The following TENM3 variants were observed in gnomAD, a reference collection of about 807,000 sequenced individuals.
TENM3 encodes the protein teneurin-3.
A neutral mutation model predicts 255.1 loss-of-function variants in TENM3; 63 were observed. That is an observed-to-expected ratio of 0.25 (90% CI 0.20 to 0.30). TENM3 has a LOEUF of 0.30. Ranked by LOEUF, TENM3 falls within the 10% of genes least tolerant of loss-of-function variation. The probability of loss-of-function intolerance (pLI) is 1.00; values close to 1 mark genes in which losing one functional copy is unlikely to be tolerated. For synonymous variants in TENM3, 1,306 were observed against 1,322.3 expected, an observed-to-expected ratio of 0.99 and a Z score of 0.27; for missense variants, 2,929 against 3,461.1, an observed-to-expected ratio of 0.85 and a Z score of 3.86.
the TENM3 span, among the ~76,000 whole-genome samples, chr4:181,496,701 T>C: frequency 6.6e-6 from 1 of 152,216 alleles, no homozygotes; most frequent in African/African-American, 2.4e-5. Context: ...CCAAATGAAT[T>C]CATTAAGACC....
the TENM3 span, among the ~76,000 whole-genome samples, chr4:181,583,254 TATA>T: frequency 2.0e-5 from 3 of 152,128 alleles, no homozygotes; most frequent in African/African-American, 7.2e-5. Flanking sequence ...ATCAGAGTGG[TATA>T]ATATCAGAAT....
intron 1 of TENM3, among the ~76,000 whole-genome samples, chr4:182,196,929 A>G (rs1753865804): frequency 6.6e-6 from 1 of 151,834 alleles, no homozygotes; most frequent in Non-Finnish European, 1.5e-5. Flanking sequence ...GTGATGCATC[A>G]TTTCCGGTCA....
the TENM3 span, among the ~76,000 whole-genome samples, chr4:182,118,304 T>C: frequency 6.6e-6 from 1 of 152,314 alleles, no homozygotes; most frequent in Middle Eastern, 3.4e-3. Flanking sequence ...AATTAGCTAG[T>C]ACTTCAAGTA....
intron 3 of TENM3, among the ~76,000 whole-genome samples, chr4:182,579,702 C>G (rs542914645): frequency 2.5e-5 from 3 of 118,546 alleles, no homozygotes; most frequent in Admixed American, 1.9e-4. Context: ...AATTTGAAAA[C>G]TTCTCTTTTT....
chr4:181,867,162 T>C, the TENM3 span, among the ~76,000 whole-genome samples: 1 of 152,170 alleles, frequency 6.6e-6, no homozygotes, highest in Non-Finnish European at 1.5e-5. Flanking sequence ...TCTAGCACAG[T>C]GCCCGAATTG....
the TENM3 span, among the ~76,000 whole-genome samples, chr4:182,018,454 A>C: frequency 6.6e-6 from 1 of 152,210 alleles, no homozygotes; most frequent in Admixed American, 6.5e-5. Flanking sequence ...TATTTGCTTC[A>C]GAAAGCCTCT....
intron 3 of TENM3, among the ~76,000 whole-genome samples, chr4:182,445,668 A>G (rs1195063133): frequency 2.0e-5 from 3 of 152,114 alleles, no homozygotes; most frequent in African/African-American, 7.2e-5. Flanking sequence ...ATTTTTAAAA[A>G]TCTTCCTCGT....
chr4:181,701,330 C>G, the TENM3 span, among the ~76,000 whole-genome samples: 1 of 152,278 alleles, frequency 6.6e-6, no homozygotes, highest in East Asian at 1.9e-4. Flanking sequence ...GGTTGAAGAA[C>G]CAGAAATAGG....
In TENM3 at chr4:182,754,686, T is replaced by C. The variant is rs779387392; in HGVS notation, c.4319T>C (p.Leu1440Ser). ...GTCACAACAGATGGAGAAATCTCCT[T>C]AGTGGCCGGAATACCTTCAGAGTGT... ...RQVTTDGEISLVAGIPSECDC... is the reference protein window; with the variant it reads ...RQVTTDGEISSVAGIPSECDC... Residue 1440 changes from leucine to serine, a missense_variant, in exon 22 of 28, where the codon TTA becomes TCA. Physicochemically the swap from Leu to Ser is moderately radical, Grantham distance 145 (BLOSUM62 -2). Around this residue, in one of 6 missense-constraint regions of TENM3, gnomAD observed 1,608 missense variants for 1,884.4 expected, o/e 0.85. Coordinates refer to ENST00000511685, the MANE Select transcript of TENM3 (RefSeq NM_001080477.4). The surrounding 1 kb of genome is among the most constrained non-coding windows in gnomAD (Gnocchi z 5.1). 31 of 1,613,916 alleles carry C rather than the reference T, an allele frequency of 1.9e-5. No individual in the cohort carries two copies. The highest frequency in any genetic ancestry group is 2.5e-5 in the Non-Finnish European group (29 of 1,179,900).
intron 13 of TENM3, among the ~76,000 whole-genome samples, chr4:182,716,379 C>G (rs1345682832): frequency 6.6e-6 from 1 of 152,144 alleles, no homozygotes; most frequent in Non-Finnish European, 1.5e-5. Flanking sequence ...GTGAATTGGC[C>G]TCATTCCCCT....
the TENM3 span, among the ~76,000 whole-genome samples, chr4:181,636,978 GTT>G: frequency 6.6e-6 from 1 of 152,066 alleles, no homozygotes; most frequent in Non-Finnish European, 1.5e-5. Flanking sequence ...TTCGCTTGAT[GTT>G]CCCGAGAAAC....
the TENM3 span, among the ~76,000 whole-genome samples, chr4:182,079,289 G>C: frequency 6.6e-6 from 1 of 152,120 alleles, no homozygotes; most frequent in Non-Finnish European, 1.5e-5. Context: ...GGCCGAGGCG[G>C]GCAGATCATG....
the TENM3 span, among the ~76,000 whole-genome samples, chr4:181,826,582 T>A: frequency 2.0e-5 from 3 of 152,190 alleles, no homozygotes; most frequent in African/African-American, 7.2e-5. Context: ...ATCAGCAAAG[T>A]GGCTATTAGG....
At chr4:182,025,633 CCCA>C in the TENM3 span, among the ~76,000 whole-genome samples, 1 of 152,232 alleles carries the variant, frequency 6.6e-6, no homozygotes, top group South Asian at 2.1e-4. Flanking sequence ...AATTTACATT[CCCA>C]CCAACAGTTT....
the TENM3 span, chr4:182,084,849 C>T: frequency 6.6e-6 from 1 of 152,178 alleles, no homozygotes; most frequent in Non-Finnish European, 1.5e-5. Context: ...TTATATCTAA[C>T]TTACCTCACA....
At chr4:182,680,115 T>C (rs1756024664) in intron 8 of TENM3, 133 bp from the exon 9 acceptor site, 1 of 757,808 alleles carries the variant, frequency 1.3e-6, no homozygotes, top group South Asian at 1.7e-5. Flanking sequence ...ACTTTGAAAA[T>C]CTGCATTTGA....
intron 3 of TENM3, among the ~76,000 whole-genome samples, chr4:182,515,063 G>A (rs991951497): frequency 6.6e-6 from 1 of 152,132 alleles, no homozygotes; most frequent in East Asian, 1.9e-4. Flanking sequence ...TTTTTATCCA[G>A]ACTAAGAAGA....
At chr4:182,680,815 C>T (rs1756113578) in intron 10 of TENM3, 78 bp downstream of exon 10, 2 of 1,184,432 alleles carry the variant, frequency 1.7e-6, no homozygotes. Flanking sequence ...TTTAGTTGGG[C>T]AGATCTCTTT....
intron 1 of TENM3, among the ~76,000 whole-genome samples, chr4:182,248,615 C>G (rs567552931): frequency 6.6e-6 from 1 of 152,222 alleles, no homozygotes; most frequent in South Asian, 2.1e-4. Flanking sequence ...ATGGAACTGG[C>G]GGAGATTCAG....
Sources: gnomAD v4.1 joint callset for allele counts (sites outside exome capture counted in the v4.1 genomes callset) on GRCh38, gnomAD v4.1.1 for gene constraint, gnomAD v4.1.1 regional missense constraint, Gnocchi (gnomAD v3.1) non-coding constraint, MANE v1.5 for transcripts, NCBI Gene and HGNC (gene_info 2026-07-23, HGNC 2026-07-21) for gene names.